Variants in EPHA5 observed in about 807,000 individuals in gnomAD.
The protein encoded by EPHA5 is EPH receptor A5, also known as ephrin type-A receptor 5.
A neutral mutation model predicts 105.0 loss-of-function variants in EPHA5; 60 were observed. The observed-to-expected ratio is 0.57, with a 90% CI of 0.46 to 0.71. The LOEUF is 0.71. Ranked by LOEUF, EPHA5 falls within the 30% of genes least tolerant of loss-of-function variation. The probability of loss-of-function intolerance (pLI) is 0.00; values close to 1 mark genes in which losing one functional copy is unlikely to be tolerated. For synonymous variants in EPHA5, 513 were observed against 449.1 expected, an observed-to-expected ratio of 1.14 and a Z score of -1.80; for missense variants, 1,218 against 1,274.7, an observed-to-expected ratio of 0.96 and a Z score of 0.68.
At chr4:65,409,579 T>C (rs998358535) in intron 7 of EPHA5, among the ~76,000 whole-genome samples, 5 of 152,146 alleles carry the variant, frequency 3.3e-5, no homozygotes, top group Admixed American at 6.5e-5. Flanking sequence ...GCCTCAGCTA[T>C]ATGTGTGAAG....
chr4:65,591,612 TAAA>T (rs75075654), intron 3 of EPHA5, among the ~76,000 whole-genome samples: 2,700 of 139,990 alleles, frequency 0.019, 73 homozygotes, highest in African/African-American at 0.071. Flanking sequence ...TTATTTTTTT[TAAA>T]AAAAAAGCTT....
At chr4:65,389,954 G>A (rs553935349) in intron 8 of EPHA5, among the ~76,000 whole-genome samples, 73 of 152,026 alleles carry the variant, frequency 4.8e-4, no homozygotes, top group Non-Finnish European at 9.1e-4. Flanking sequence ...CATGGAAGTA[G>A]GGGTGTAGTA....
chr4:65,363,331 T>C (rs1717522431), intron 11 of EPHA5, among the ~76,000 whole-genome samples: 1 of 151,606 alleles, frequency 6.6e-6, no homozygotes, highest in African/African-American at 2.4e-5. Flanking sequence ...ATAGCATTAA[T>C]GTGGAAACTA....
chr4:65,598,118 G>A (rs1743362419), intron 3 of EPHA5, among the ~76,000 whole-genome samples: 3 of 152,076 alleles, frequency 2.0e-5, no homozygotes, highest in Non-Finnish European at 2.9e-5. Flanking sequence ...TGGTTATCAA[G>A]AAACTGAATA....
At chr4:65,614,353 T>C (rs1218066664) in intron 2 of EPHA5, among the ~76,000 whole-genome samples, 1 of 151,860 alleles carries the variant, frequency 6.6e-6, no homozygotes, top group Non-Finnish European at 1.5e-5. Context: ...AACCAGTAAA[T>C]CTAGTTATAG....
At chr4:65,361,951 T>C (rs1310596886) in intron 11 of EPHA5, among the ~76,000 whole-genome samples, 1 of 151,536 alleles carries the variant, frequency 6.6e-6, no homozygotes, top group Admixed American at 6.6e-5. Context: ...ATTACAACTT[T>C]TTTTCCTTTT....
rs751646403 is a variant in EPHA5, at chr4:65,332,056, C to T, written c.2862G>A (p.Glu954=). 8.1e-6 allele frequency: 13 copies of T among 1,611,820 alleles called. No homozygotes were observed. In the East Asian group the frequency reaches 2.7e-4, roughly 33 times the overall value. The change falls in exon 16 of 17, where the codon GAG becomes GAA. Residue 954 remains glutamate (E), a synonymous_variant. Transcript: ENST00000613740. The part of the protein sequence containing the change: ...GAYRSVGEWL[E]AIKMGRYTEI... ...CTGTATACCGGCCCATCTTGATTGC[C>T]TCTAGCCATTCACCTACTGATCTGT...
intron 5 of EPHA5, among the ~76,000 whole-genome samples, chr4:65,445,617 G>A (rs530115517): frequency 3.5e-4 from 54 of 152,146 alleles, no homozygotes; most frequent in Admixed American, 9.8e-4. Context: ...GAAAGAAATC[G>A]GTTGCTATCT....
chr4:65,334,846 G>C (rs962613613), intron 15 of EPHA5, among the ~76,000 whole-genome samples: 4 of 151,840 alleles, frequency 2.6e-5, no homozygotes, highest in Admixed American at 1.3e-4. Flanking sequence ...TTGTGACAAT[G>C]TAATATAATT....
chr4:65,392,630 A>C (rs1418286396), intron 8 of EPHA5, among the ~76,000 whole-genome samples: 2 of 152,112 alleles, frequency 1.3e-5, no homozygotes, highest in Non-Finnish European at 2.9e-5. Context: ...GGATTTATTA[A>C]CTCCTATGCA....
chr4:65,413,988 A>G (rs888080040), intron 7 of EPHA5, among the ~76,000 whole-genome samples: 2 of 152,222 alleles, frequency 1.3e-5, no homozygotes, highest in South Asian at 4.1e-4. Flanking sequence ...GAATAATTCA[A>G]TAAAGTATGG....
At chr4:65,524,114 C>T (rs1735017189) in intron 3 of EPHA5, among the ~76,000 whole-genome samples, 1 of 151,746 alleles carries the variant, frequency 6.6e-6, no homozygotes, top group Non-Finnish European at 1.5e-5. Flanking sequence ...TACTATATTC[C>T]TGATTGGCTA....
intron 11 of EPHA5, 101 bp downstream of exon 11, chr4:65,364,916 T>G (rs1022191610): frequency 2.2e-6 from 2 of 927,186 alleles, no homozygotes; most frequent in Non-Finnish European, 3.1e-6. Flanking sequence ...TTAGAGAAAT[T>G]AATATATTAC....
intron 3 of EPHA5, among the ~76,000 whole-genome samples, chr4:65,535,836 A>T (rs1384826632): frequency 6.6e-6 from 1 of 151,966 alleles, no homozygotes; most frequent in East Asian, 1.9e-4. Context: ...TTTGCAAGGG[A>T]TCTCACAGGA....
At chr4:65,550,729 G>A (rs1433865887) in intron 3 of EPHA5, among the ~76,000 whole-genome samples, 1 of 151,990 alleles carries the variant, frequency 6.6e-6, no homozygotes, top group Non-Finnish European at 1.5e-5. Flanking sequence ...CCAGCTAATC[G>A]AGGGGCTGAG....
chr4:65,367,103 C>A (rs960192398), intron 9 of EPHA5, among the ~76,000 whole-genome samples: 1 of 151,164 alleles, frequency 6.6e-6, no homozygotes, highest in Non-Finnish European at 1.5e-5. Flanking sequence ...TTATATTAAG[C>A]AAAAAGTTTT....
intron 3 of EPHA5, among the ~76,000 whole-genome samples, chr4:65,520,699 C>G (rs867256015): frequency 2.6e-5 from 4 of 152,062 alleles, no homozygotes; most frequent in Non-Finnish European, 4.4e-5. Context: ...ACAACCCCAT[C>G]AAAAATTGGG....
chr4:65,498,355 G>A (rs2149234387), intron 3 of EPHA5, among the ~76,000 whole-genome samples: 1 of 151,992 alleles, frequency 6.6e-6, no homozygotes, highest in Non-Finnish European at 1.5e-5. Flanking sequence ...CTTTATTAAG[G>A]TTTAACTGAC....
rs1721151748 is a variant in EPHA5, at chr4:65,336,073, G to C, written c.2648C>G (p.Pro883Arg). Reference sequence around the variant, plus strand: ...CAGCATTAACTGATAGAGAGCAGCAGGACAATCCATGGGGCTTGGCAGACG... The same window carrying C: ...CAGCATTAACTGATAGAGAGCAGCACGACAATCCATGGGGCTTGGCAGACG... ...GYRLPSPMDCPAALYQLMLDC... is the reference protein window; with the variant it reads ...GYRLPSPMDCRAALYQLMLDC... The change falls in exon 15 of 17, where the codon CCT becomes CGT. Residue 883 changes from proline to arginine, a missense_variant. Physicochemically the swap from Pro to Arg is moderately radical, Grantham distance 103. This residue lies in a region of EPHA5 where 971 missense variants were observed against 1,013.5 expected (regional missense o/e 0.96). Transcript: ENST00000613740. 6.2e-7 allele frequency: 1 copy of C among 1,613,012 alleles called. No individual in the cohort carries two copies. Among genetic ancestry groups the C allele is most frequent in the Non-Finnish European group, 8.5e-7 (1 of 1,179,430 alleles).
Sources: gnomAD v4.1 joint callset for allele counts (sites outside exome capture counted in the v4.1 genomes callset) on GRCh38, gnomAD v4.1.1 for gene constraint, gnomAD v4.1.1 regional missense constraint, MANE v1.5 for transcripts, NCBI Gene and HGNC (gene_info 2026-07-23, HGNC 2026-07-21) for gene names.